PIK3R5: variants seen among roughly 807,000 people sequenced by gnomAD.
PIK3R5 encodes phosphoinositide 3-kinase regulatory subunit 5.
In PIK3R5, 32 loss-of-function variants were observed where a neutral mutation model predicts 94.9. That is an observed-to-expected ratio of 0.34 (90% CI 0.25 to 0.45). The LOEUF (loss-of-function observed/expected upper bound fraction) is 0.45, where lower values mean the gene tolerates loss of function less well. Ranked by LOEUF, PIK3R5 falls within the 20% of genes least tolerant of loss-of-function variation. PIK3R5 has a pLI of 1.00. For missense variants in PIK3R5, 853 were observed against 1,144.6 expected (o/e 0.75, Z 3.68); for synonymous variants, 443 against 479.4 (o/e 0.92, Z 0.99).
Position 8,911,243 on chromosome 17 carries a change from C to T in PIK3R5, c.103+149G>A. ...ACTACATCAAGTGCTGCGCCAGGCA[C>T]CTGCCCAGGAGAAGGCTGAGGCTTG... On this transcript the variant is annotated intron_variant, in intron 2 of 18. Coordinates refer to ENST00000447110, the MANE Select transcript of PIK3R5 (RefSeq NM_001142633.3). This position sits in a 1 kb window ranked among gnomAD's most constrained non-coding sequence, Gnocchi z 5.3. 2 of 628,884 alleles carry T rather than the reference C, an allele frequency of 3.2e-6. No homozygotes were observed. The highest frequency in any genetic ancestry group is 5.6e-6 in the Non-Finnish European group (2 of 355,698). 39.0% of individuals were successfully genotyped at this position (628,884 alleles called of 1,614,324 possible).
At position 8,904,460 on chromosome 17, in the gene PIK3R5, C is replaced by G. The variant is rs953538249; in HGVS notation, c.412+317G>C. Among the ~76,000 whole-genome samples the G allele has an allele frequency of 2.0e-5, 3 of 152,208 alleles. No homozygotes were observed. Among genetic ancestry groups the G allele is most frequent in the Non-Finnish European group, 2.9e-5 (2 of 68,038 alleles). On this transcript the variant is annotated intron_variant, in intron 5 of 18. Transcript: ENST00000447110. The surrounding 1 kb of genome is among the most constrained non-coding windows in gnomAD (Gnocchi z 5.1). Reference sequence around the variant, plus strand: ...GGGCTTCTCTGTCTGATCTGGGTAGCCTTGGAGACCCCTTGACTAACCAGA... The same window carrying G: ...GGGCTTCTCTGTCTGATCTGGGTAGGCTTGGAGACCCCTTGACTAACCAGA...
At chr17:8,939,424 C>T (rs1220879016) in intron 1 of PIK3R5, among the ~76,000 whole-genome samples, 1 of 152,186 alleles carries the variant, frequency 6.6e-6, no homozygotes, top group Admixed American at 6.5e-5. Context: ...CACTGAAATA[C>T]AATGGTCAAA....
chr17:8,917,892 C>A (rs574945906), intron 1 of PIK3R5, among the ~76,000 whole-genome samples: 26 of 152,042 alleles, frequency 1.7e-4, no homozygotes, highest in African/African-American at 6.0e-4. Context: ...AGAAAGAAAT[C>A]TGAAAGTTCT....
At chr17:8,912,515 C>T (rs890919126) in intron 1 of PIK3R5, 7 of 152,274 alleles carry the variant, frequency 4.6e-5, no homozygotes, top group African/African-American at 1.7e-4. Context: ...GCTGAGTAAG[C>T]TTCCAACACG....
chr17:8,927,904 C>A (rs1288181436), intron 1 of PIK3R5, among the ~76,000 whole-genome samples: 4 of 152,102 alleles, frequency 2.6e-5, no homozygotes, highest in African/African-American at 9.7e-5. Context: ...TGGCACCTTC[C>A]CCCTGCACCC....
At position 8,881,852 on chromosome 17, in the gene PIK3R5, G is replaced by C; in HGVS notation, c.2235C>G (p.Ser745Arg). ...KGAISGRSRW[S>R]NLEKVCTSVN... ...CGGAGGTACAGACCTTCTCCAGGTTGCTCCAGCGACTTCGTCCACTGATGG... is the reference window on the plus strand; with the variant it reads ...CGGAGGTACAGACCTTCTCCAGGTTCCTCCAGCGACTTCGTCCACTGATGG... Residue 745 changes from serine (S) to arginine (R), a missense_variant, in exon 16 of 19, where the codon AGC becomes AGG. Ser to Arg is a moderately radical substitution (Grantham distance 110). This residue lies in a region of PIK3R5 where 173 missense variants were observed against 274.1 expected (regional missense o/e 0.63). Coordinates refer to ENST00000447110, the MANE Select transcript of PIK3R5 (RefSeq NM_001142633.3). This position sits in a 1 kb window ranked among gnomAD's most constrained non-coding sequence, Gnocchi z 4.8. 6.2e-7 allele frequency: 1 copy of C among 1,614,094 alleles called. No individual in the cohort carries two copies. The highest frequency in any genetic ancestry group is 2.2e-5 in the East Asian group (1 of 44,888).
chr17:8,890,126 C>A lies in PIK3R5; in HGVS notation c.658G>T (p.Ala220Ser). Residue 220 changes from alanine to serine, a missense_variant and splice_region_variant, in exon 8 of 19, where the codon GCC (alanine) becomes TCC (serine). Transcript: ENST00000447110. The surrounding 1 kb of genome is among the most constrained non-coding windows in gnomAD (Gnocchi z 6.1). ...TCCTCAAGCTCTGCCAGGGTCTTGG[C>A]CTGAAACCCCAGGAGGAGATGGGCT... ...DVPGLHCRLQ[A>S]KTLAELEDIF... 1 of 1,613,810 alleles carries A rather than the reference C, an allele frequency of 6.2e-7. No homozygotes were observed. The highest frequency in any genetic ancestry group is 1.1e-5 in the South Asian group (1 of 91,084).
chr17:8,954,462 G>A (rs1019822038), intron 1 of PIK3R5, among the ~76,000 whole-genome samples: 5 of 152,150 alleles, frequency 3.3e-5, no homozygotes, highest in Non-Finnish European at 5.9e-5. Flanking sequence ...TGGCACGGGC[G>A]GGACAGGAAG....
intron 5 of PIK3R5, among the ~76,000 whole-genome samples, chr17:8,897,142 C>T (rs1315763611): frequency 6.6e-6 from 1 of 152,200 alleles, no homozygotes; most frequent in Non-Finnish European, 1.5e-5. Context: ...ATTGGGGACT[C>T]ATGGCTGTGG....
At position 8,899,010 on chromosome 17, in the gene PIK3R5, G is replaced by A. The variant is rs148368062; in HGVS notation, c.413-5355C>T. Among the ~76,000 whole-genome samples the A allele has an allele frequency of 1.6e-3, 241 of 152,362 alleles. 1 individual carries two copies. Among genetic ancestry groups the A allele is most frequent in the African/African-American group, 5.4e-3 (226 of 41,582 alleles). ...TTGCAGAGCGGTTTGCATGTAAGAT[G>A]CCCCATGTCATCCCCCAGGTTTACA... On this transcript the variant is annotated intron_variant, in intron 5 of 18. Coordinates refer to ENST00000447110, the MANE Select transcript of PIK3R5 (RefSeq NM_001142633.3).
At chr17:8,887,071 G>C (rs200342043) in intron 12 of PIK3R5, 25 bp downstream of exon 12, 102 of 1,613,284 alleles carry the variant, frequency 6.3e-5, no homozygotes, top group Non-Finnish European at 8.6e-5. Context: ...AGTGGACCCT[G>C]TTCCGCAACC....
In PIK3R5 at chr17:8,890,719, C is replaced by T. The variant is rs749021710; in HGVS notation, c.657+19G>A. 1.9e-6 allele frequency: 3 copies of T among 1,592,728 alleles called. No homozygotes were observed. In the African/African-American group the frequency reaches 4.0e-5, roughly 21 times the overall value. Reference sequence around the variant, plus strand: ...CTCAGAGAGGTGCTCCACCAGAGCCCCAGGCCCCAGGTACATACCTGTAGC... The same window carrying T: ...CTCAGAGAGGTGCTCCACCAGAGCCTCAGGCCCCAGGTACATACCTGTAGC... On this transcript the variant is annotated intron_variant, in intron 7 of 18. Coordinates refer to ENST00000447110, the MANE Select transcript of PIK3R5 (RefSeq NM_001142633.3). This position sits in a 1 kb window ranked among gnomAD's most constrained non-coding sequence, Gnocchi z 6.1.
At chr17:8,894,451 C>T (rs926398791) in intron 5 of PIK3R5, among the ~76,000 whole-genome samples, 1 of 152,164 alleles carries the variant, frequency 6.6e-6, no homozygotes, top group Non-Finnish European at 1.5e-5. Context: ...GTCCGGGGAT[C>T]GGGAAGGACT....
In PIK3R5 at chr17:8,900,794, C is replaced by T. The variant is rs1307368292; in HGVS notation, c.412+3983G>A. ...CATCTGCTTTCTGTGCTGCCCAGAACGGAGTTTCTACCCAGCCGCCTGCAA... is the reference window on the plus strand; with the variant it reads ...CATCTGCTTTCTGTGCTGCCCAGAATGGAGTTTCTACCCAGCCGCCTGCAA... On this transcript the variant is annotated intron_variant, in intron 5 of 18. Transcript: ENST00000447110. Among the ~76,000 whole-genome samples, 4 of 152,126 alleles carry T rather than the reference C, an allele frequency of 2.6e-5. No homozygotes were observed. The South Asian group carries it at 6.2e-4, about 24-fold the overall frequency.
At chr17:8,949,400 G>C (rs906131961) in intron 1 of PIK3R5, among the ~76,000 whole-genome samples, 2 of 152,174 alleles carry the variant, frequency 1.3e-5, no homozygotes, top group African/African-American at 2.4e-5. Context: ...CTGAAAATGA[G>C]TTTAGGATTG....
intron 1 of PIK3R5, among the ~76,000 whole-genome samples, chr17:8,960,084 G>A (rs940709320): frequency 3.3e-5 from 5 of 152,132 alleles, no homozygotes; most frequent in African/African-American, 7.2e-5. Context: ...AGGTGGGAAC[G>A]AGTCCCTGGT....
intron 1 of PIK3R5, among the ~76,000 whole-genome samples, chr17:8,942,581 T>C (rs1279135623): frequency 1.3e-5 from 2 of 152,094 alleles, no homozygotes; most frequent in Admixed American, 1.3e-4. Context: ...GCAGCCTTCA[T>C]CTCCTGTCAG....
chr17:8,961,131 G>T (rs549095578), intron 1 of PIK3R5, among the ~76,000 whole-genome samples: 6 of 152,168 alleles, frequency 3.9e-5, no homozygotes, highest in African/African-American at 9.7e-5. Context: ...AGAAGATGAG[G>T]CTTGAGCTGG....
At chr17:8,962,519 G>A (rs952849830) in intron 1 of PIK3R5, among the ~76,000 whole-genome samples, 2 of 152,200 alleles carry the variant, frequency 1.3e-5, no homozygotes, top group Admixed American at 6.5e-5. Flanking sequence ...ATGTATGAAA[G>A]CTATGAGAAC....
Sources: allele counts gnomAD v4.1 joint callset (sites outside exome capture counted in the v4.1 genomes callset), GRCh38; gene constraint gnomAD v4.1.1; regional missense constraint gnomAD v4.1.1; non-coding constraint Gnocchi (gnomAD v3.1); transcripts MANE v1.5; gene names NCBI Gene and HGNC (gene_info 2026-07-23, HGNC 2026-07-21).